The following CACNB2 variants were observed in gnomAD, a reference collection of about 807,000 sequenced individuals.
CACNB2 encodes the protein calcium voltage-gated channel auxiliary subunit beta 2.
In CACNB2, 42 loss-of-function variants were observed where a neutral mutation model predicts 73.3. The ratio of observed to expected loss-of-function variants is 0.57; its 90% CI spans 0.45 to 0.74. CACNB2 has a LOEUF of 0.74. Among genes scored for constraint, CACNB2 ranks in the 30% least tolerant of loss-of-function variants. CACNB2 has a pLI of 0.00. For missense variants in CACNB2, 940 were observed against 853.0 expected (o/e 1.10, Z -1.27); for synonymous variants, 348 against 310.3 (o/e 1.12, Z -1.28).
At chr10:18,340,412 G>T (rs1487803620) in intron 2 of CACNB2, among the ~76,000 whole-genome samples, 2 of 152,174 alleles carry the variant, frequency 1.3e-5, no homozygotes, top group East Asian at 3.8e-4. Context: ...TCTTCAGTGG[G>T]TGGGAGTAGA....
chr10:18,234,690 A>G (rs887914093), intron 2 of CACNB2, among the ~76,000 whole-genome samples: 7 of 152,182 alleles, frequency 4.6e-5, no homozygotes, highest in African/African-American at 7.2e-5. Context: ...TAGAAGGTAG[A>G]ATGGTGGTTC....
chr10:18,394,856 G>T (rs927558350), intron 2 of CACNB2, among the ~76,000 whole-genome samples: 1 of 152,090 alleles, frequency 6.6e-6, no homozygotes, highest in Non-Finnish European at 1.5e-5. Flanking sequence ...TCTTCAAAAC[G>T]CACTCTTTTA....
At chr10:18,463,627 G>C (rs1161656725) in intron 3 of CACNB2, among the ~76,000 whole-genome samples, 1 of 151,566 alleles carries the variant, frequency 6.6e-6, no homozygotes, top group Non-Finnish European at 1.5e-5. Flanking sequence ...TAGAGATGGG[G>C]TTTTGCCATG....
At chr10:18,376,163 T>TA (rs1049939977) in intron 2 of CACNB2, among the ~76,000 whole-genome samples, 1 of 152,154 alleles carries the variant, frequency 6.6e-6, no homozygotes, top group Non-Finnish European at 1.5e-5. Flanking sequence ...TATTCAGCCA[T>TA]AAAAAATCAG....
intron 2 of CACNB2, among the ~76,000 whole-genome samples, chr10:18,358,002 G>A (rs2132189897): frequency 6.6e-6 from 1 of 152,306 alleles, no homozygotes; most frequent in African/African-American, 2.4e-5. Flanking sequence ...CATTGTCGCA[G>A]TGCATGGCAA....
chr10:18,318,007 C>G (rs1346181486), intron 2 of CACNB2, among the ~76,000 whole-genome samples: 1 of 152,154 alleles, frequency 6.6e-6, no homozygotes, highest in Non-Finnish European at 1.5e-5. Context: ...ATTCTATGCT[C>G]ATGGATAGGA....
intron 2 of CACNB2, among the ~76,000 whole-genome samples, chr10:18,325,528 CT>C (rs2040549748): frequency 6.6e-6 from 1 of 151,966 alleles, no homozygotes; most frequent in Non-Finnish European, 1.5e-5. Flanking sequence ...CTTTCTCTTT[CT>C]TTCTTCCTTC....
At position 18,518,937 on chromosome 10, in the gene CACNB2, T is replaced by A; in HGVS notation, c.913T>A (p.Phe305Ile). The stretch of plus-strand genomic sequence containing the variant: ...CACAGATATGATGCAAAAAGCGCTG[T>A]TTGATTTTTTAAAACACAGATTTGA... ...EVTDMMQKAL[F>I]DFLKHRFEGR... Residue 305 changes from phenylalanine (F) to isoleucine (I), a missense_variant, in exon 9 of 14, where the codon TTT (phenylalanine) becomes ATT (isoleucine). Physicochemically the swap from Phe to Ile is conservative, Grantham distance 21. Transcript: ENST00000324631. 8.7e-6 allele frequency: 14 copies of A among 1,613,982 alleles called. No homozygotes were observed. Among genetic ancestry groups the A allele is most frequent in the Non-Finnish European group, 1.2e-5 (14 of 1,179,896 alleles).
rs763712135 is a variant in CACNB2 at position 18,527,620 on chromosome 10, C to T, written c.977C>T (p.Ser326Leu). Reference protein sequence around the residue: ...ISITRVTADISLAKRSVLNNP... With the variant: ...ISITRVTADILLAKRSVLNNP... The stretch of plus-strand genomic sequence containing the variant: ...ATCACAAGGGTCACCGCTGACATCT[C>T]GCTTGCCAAACGCTCGGTATTAAAC... The change falls in exon 10 of 14, where the codon TCG (serine) becomes TTG (leucine). Residue 326 changes from serine to leucine, a missense_variant. By Grantham distance (145) the Ser-to-Leu change is moderately radical (BLOSUM62 -2). Transcript: ENST00000324631. 7 of 1,613,966 alleles carry T rather than the reference C, an allele frequency of 4.3e-6. No homozygotes were observed. Among genetic ancestry groups the T allele is most frequent in the South Asian group, 3.3e-5 (3 of 91,078 alleles).
intron 9 of CACNB2, chr10:18,519,722 T>C (rs2051658814): frequency 2.2e-6 from 1 of 456,078 alleles, no homozygotes; most frequent in African/African-American, 2.0e-5. Flanking sequence ...TACAGGAAGA[T>C]TCCTTGAAAG....
At chr10:18,523,965 AG>A (rs916926741) in intron 9 of CACNB2, among the ~76,000 whole-genome samples, 1 of 152,172 alleles carries the variant, frequency 6.6e-6, no homozygotes, top group African/African-American at 2.4e-5. Context: ...CAGCAGCCCT[AG>A]GGGGTTGTCA....
intron 3 of CACNB2, among the ~76,000 whole-genome samples, chr10:18,467,040 G>C (rs2047929177): frequency 6.6e-6 from 1 of 152,116 alleles, no homozygotes; most frequent in African/African-American, 2.4e-5. Context: ...TGTAATCCCA[G>C]CTGCTAGGGA....
chr10:18,519,982 C>T (rs968909758), intron 9 of CACNB2: 7 of 321,442 alleles, frequency 2.2e-5, no homozygotes, highest in South Asian at 1.6e-4. Context: ...TTCTATCACA[C>T]TGACTGCTCC....
At chr10:18,528,093 T>C (rs1340930118) in intron 10 of CACNB2, among the ~76,000 whole-genome samples, 1 of 150,826 alleles carries the variant, frequency 6.6e-6, no homozygotes, top group African/African-American at 2.5e-5. Flanking sequence ...GGATTAAACA[T>C]GATATGTGCT....
chr10:18,352,854 T>A (rs960235796), intron 2 of CACNB2, among the ~76,000 whole-genome samples: 1 of 152,222 alleles, frequency 6.6e-6, no homozygotes, highest in Non-Finnish European at 1.5e-5. Context: ...TTTGTATCAA[T>A]AAAAGCTGTG....
intron 2 of CACNB2, among the ~76,000 whole-genome samples, chr10:18,241,191 T>A (rs191381417): frequency 2.6e-4 from 39 of 152,342 alleles, no homozygotes; most frequent in Non-Finnish European, 1.5e-5. Context: ...AAAACCAAGC[T>A]GTGCCCTGAC....
chr10:18,479,580 A>G (rs1420577408), intron 3 of CACNB2, among the ~76,000 whole-genome samples: 3 of 152,126 alleles, frequency 2.0e-5, no homozygotes, highest in African/African-American at 4.8e-5. Context: ...CCATGTATCA[A>G]AGGAGGGGCC....
At chr10:18,501,359 G>A (rs2050183598) in intron 5 of CACNB2, among the ~76,000 whole-genome samples, 1 of 152,194 alleles carries the variant, frequency 6.6e-6, no homozygotes, top group Admixed American at 6.5e-5. Flanking sequence ...TCAGGCAGTG[G>A]CAGCTCTTGT....
intron 10 of CACNB2, among the ~76,000 whole-genome samples, chr10:18,528,359 C>G (rs2052682720): frequency 6.6e-6 from 1 of 152,146 alleles, no homozygotes; most frequent in Non-Finnish European, 1.5e-5. Context: ...CACTGAGACC[C>G]TTCAGCTGCT....
Sources: gnomAD v4.1 joint callset for allele counts (sites outside exome capture counted in the v4.1 genomes callset) on GRCh38, gnomAD v4.1.1 for gene constraint, MANE v1.5 for transcripts, NCBI Gene and HGNC (gene_info 2026-07-23, HGNC 2026-07-21) for gene names.